The following VWA8 variants were observed in gnomAD, a reference collection of about 807,000 sequenced individuals.
VWA8 encodes von Willebrand factor A domain-containing protein 8.
Under a neutral mutation model 241.5 loss-of-function variants are expected in VWA8, and 221 were observed. The ratio of observed to expected loss-of-function variants is 0.91; its 90% CI spans 0.82 to 1.02. VWA8 has a LOEUF of 1.02. Among genes scored for constraint, VWA8 ranks in the 50% least tolerant of loss-of-function variants. The pLI, the probability that VWA8 is intolerant of heterozygous loss-of-function variation, is 0.00. For synonymous variants in VWA8, 852 were observed against 827.1 expected, an observed-to-expected ratio of 1.03 and a Z score of -0.52; for missense variants, 2,322 against 2,328.7, an observed-to-expected ratio of 1.00 and a Z score of 0.06.
chr13:41,667,080 T>C (rs2044991504), intron 37 of VWA8, among the ~76,000 whole-genome samples: 1 of 152,206 alleles, frequency 6.6e-6, no homozygotes, highest in African/African-American at 2.4e-5. Context: ...AAGAATTTCA[T>C]AATCCCATAG....
chr13:41,936,204 G>A (rs1166362963), intron 2 of VWA8, among the ~76,000 whole-genome samples: 7 of 152,078 alleles, frequency 4.6e-5, no homozygotes, highest in East Asian at 3.8e-4. Context: ...TGGACATTAC[G>A]ATATTTTTTA....
intron 39 of VWA8, among the ~76,000 whole-genome samples, chr13:41,607,452 A>G (rs1216418305): frequency 6.6e-6 from 1 of 152,164 alleles, no homozygotes; most frequent in Non-Finnish European, 1.5e-5. Context: ...TCTCTCTATG[A>G]CTTTTTATTA....
At chr13:41,582,835 G>A (rs1396435949) in intron 42 of VWA8, among the ~76,000 whole-genome samples, 2 of 152,156 alleles carry the variant, frequency 1.3e-5, no homozygotes, top group African/African-American at 4.8e-5. Flanking sequence ...TGGTTGTACT[G>A]GAGAGAGGAG....
At chr13:41,678,452 G>A (rs546042313) in intron 35 of VWA8, among the ~76,000 whole-genome samples, 9 of 152,280 alleles carry the variant, frequency 5.9e-5, no homozygotes, top group Admixed American at 3.9e-4. Context: ...CCTGCTGCTC[G>A]AACCTAGCTG....
At chr13:41,727,079 G>C in intron 24 of VWA8, 115 bp downstream of exon 24, 2 of 779,320 alleles carry the variant, frequency 2.6e-6, no homozygotes, top group South Asian at 1.8e-5. Flanking sequence ...ATTCTCACAA[G>C]GTGATTATGA....
Position 41,947,940 on chromosome 13 carries a change from AAAAAAAAAAAAAACAAAAC to A in VWA8, c.241+1977_241+1995del, listed in dbSNP as rs1161242337. Among the ~76,000 whole-genome samples the A allele has an allele frequency of 1.2e-4, 18 of 147,464 alleles. 2 individuals are homozygous for A. Among genetic ancestry groups the A allele is most frequent in the Non-Finnish European group, 2.5e-4 (17 of 66,744 alleles). ...AAGTGAGACCCTGTCTCAAAAAAAA[AAAAAAAAAAAAAACAAAAC>A]AAAACATTTTGGTAATTCCTTGAAA... On this transcript the variant is annotated intron_variant, in intron 2 of 44. Coordinates refer to ENST00000379310, the MANE Select transcript of VWA8 (RefSeq NM_015058.2).
At chr13:41,844,913 G>A (rs917765519) in intron 12 of VWA8, among the ~76,000 whole-genome samples, 10 of 151,732 alleles carry the variant, frequency 6.6e-5, no homozygotes, top group Non-Finnish European at 1.5e-4. Context: ...AAAAACTAAC[G>A]GAAAAACATT....
intron 9 of VWA8, among the ~76,000 whole-genome samples, chr13:41,876,325 C>T (rs944665387): frequency 2.6e-5 from 4 of 152,100 alleles, no homozygotes; most frequent in Non-Finnish European, 5.9e-5. Context: ...CCATGGATTA[C>T]AGAGCCCTAC....
chr13:41,817,334 T>C (rs992051597), intron 15 of VWA8, among the ~76,000 whole-genome samples: 3 of 152,168 alleles, frequency 2.0e-5, no homozygotes, highest in African/African-American at 4.8e-5. Flanking sequence ...GGAAGAGCAA[T>C]TGCCCAAATA....
chr13:41,619,946 C>G (rs1468894938), intron 37 of VWA8, among the ~76,000 whole-genome samples: 1 of 152,138 alleles, frequency 6.6e-6, no homozygotes, highest in African/African-American at 2.4e-5. Context: ...TTTGTTGTGT[C>G]TCTGCCAGGC....
intron 16 of VWA8, among the ~76,000 whole-genome samples, chr13:41,812,722 T>C (rs566744457): frequency 6.6e-6 from 1 of 152,304 alleles, no homozygotes; most frequent in Admixed American, 6.5e-5. Context: ...ATATTTCCTT[T>C]GGGAATTAGG....
At chr13:41,668,892 C>T (rs2045004150) in intron 37 of VWA8, among the ~76,000 whole-genome samples, 1 of 152,134 alleles carries the variant, frequency 6.6e-6, no homozygotes, top group South Asian at 2.1e-4. Context: ...TTCTAATTTT[C>T]CAAATGAAAC....
intron 14 of VWA8, among the ~76,000 whole-genome samples, chr13:41,823,544 T>A (rs1871052084): frequency 6.6e-6 from 1 of 152,168 alleles, no homozygotes; most frequent in Admixed American, 6.6e-5. Context: ...ATAGTATTTA[T>A]ACTCCCCCTT....
At chr13:41,860,752 C>T (rs959539494) in intron 12 of VWA8, among the ~76,000 whole-genome samples, 1 of 152,110 alleles carries the variant, frequency 6.6e-6, no homozygotes, top group Non-Finnish European at 1.5e-5. Flanking sequence ...TCCAGTGTAG[C>T]TATGAGATCT....
intron 41 of VWA8, among the ~76,000 whole-genome samples, chr13:41,590,143 G>A (rs565147103): frequency 6.6e-6 from 1 of 152,204 alleles, no homozygotes; most frequent in Admixed American, 6.5e-5. Flanking sequence ...GTGGAGGTCA[G>A]GGGGTGAGGG....
Position 41,590,778 on chromosome 13 carries a change from C to T in VWA8, c.4987-13G>A, listed in dbSNP as rs749775811. The T allele has an allele frequency of 6.2e-7, 1 of 1,613,372 alleles. No individual in the cohort carries two copies. Among genetic ancestry groups the T allele is most frequent in the South Asian group, 1.1e-5 (1 of 91,032 alleles). The stretch of plus-strand genomic sequence containing the variant: ...CTTTACCTTTAGCCTACAAAAGACA[C>T]ACATACACACACAAAGCCTTAATTA... On this transcript the variant is annotated splice_polypyrimidine_tract_variant and intron_variant, in intron 40 of 44. Coordinates refer to ENST00000379310, the MANE Select transcript of VWA8 (RefSeq NM_015058.2).
At chr13:41,844,090 C>A (rs1388031437) in intron 12 of VWA8, among the ~76,000 whole-genome samples, 1 of 152,098 alleles carries the variant, frequency 6.6e-6, no homozygotes, top group Non-Finnish European at 1.5e-5. Flanking sequence ...AAATCCTCAA[C>A]AAAATACTAG....
At position 41,884,934 on chromosome 13, in the gene VWA8, C is replaced by G. The variant is rs143077887; in HGVS notation, c.975+986G>C. Among the ~76,000 whole-genome samples, 985 of 134,004 alleles carry G rather than the reference C, an allele frequency of 7.4e-3. 26 individuals carry two copies. The South Asian group carries it at 0.083, about 11-fold the overall frequency. The allele number at this position is 134,004 out of a possible 152,430, so 87.9% of individuals were successfully genotyped here. ...ACATACATACATACATACATACATA[C>G]AAGTTTAAAAATAAGTCTCTTGCCT... On this transcript the variant is annotated intron_variant, in intron 8 of 44. Transcript: ENST00000379310.
intron 2 of VWA8, among the ~76,000 whole-genome samples, chr13:41,919,302 A>T (rs1443126565): frequency 1.3e-5 from 2 of 152,144 alleles, no homozygotes; most frequent in African/African-American, 4.8e-5. Context: ...AGCTCGCATC[A>T]CTACTATGGA....
Sources: allele counts gnomAD v4.1 joint callset (sites outside exome capture counted in the v4.1 genomes callset), GRCh38; gene constraint gnomAD v4.1.1; transcripts MANE v1.5; gene names NCBI Gene and HGNC (gene_info 2026-07-23, HGNC 2026-07-21).